Variants in ZNF837 observed in about 807,000 individuals in gnomAD.
The protein encoded by ZNF837 is zinc finger protein 837.
For synonymous variants in ZNF837, 475 were observed against 365.2 expected (o/e 1.30, Z -3.43); for missense variants, 955 against 801.7 (o/e 1.19, Z -2.31).
intron 1 of ZNF837, among the ~76,000 whole-genome samples, chr19:58,371,501 C>T (rs1006550626): frequency 1.2e-4 from 18 of 152,186 alleles, no homozygotes; most frequent in African/African-American, 4.1e-4. Context: ...CTCCTGTCCC[C>T]TCCCTAGATC....
rs775360094 is a variant in ZNF837, at chr19:58,368,610, C to T, written c.723G>A (p.Gln241=). Residue 241 remains glutamine, a synonymous_variant, in exon 3 of 3, where the codon CAG becomes CAA. Transcript: ENST00000597582. ...GKRFRPNQQQ[Q]AGKSPPVCPE... ...GACACACTGGGGGACTCTTGCCCGC[C>T]TGCTGCTGCTGGTTGGGGCGGAAGC... 9 of 1,482,956 alleles carry T rather than the reference C, an allele frequency of 6.1e-6. No individual in the cohort carries two copies. Among genetic ancestry groups the T allele is most frequent in the Non-Finnish European group, 7.3e-6 (8 of 1,101,068 alleles). The allele number at this position is 1,482,956 out of a possible 1,614,324, so 91.9% of individuals were successfully genotyped here.
chr19:58,375,290 ATATATATATATATATATAT>A (rs1568568358), intron 1 of ZNF837, among the ~76,000 whole-genome samples: 17 of 69,604 alleles, frequency 2.4e-4, no homozygotes, highest in African/African-American at 7.4e-4. Context: ...ATATATATAT[ATATATATATATATATATAT>A]ATAAAATTAC....
At chr19:58,376,672 C>T (rs529232156) in intron 1 of ZNF837, among the ~76,000 whole-genome samples, 8 of 150,684 alleles carry the variant, frequency 5.3e-5, no homozygotes, top group African/African-American at 2.0e-4. Context: ...ATTTCTCACA[C>T]ACAGCCAAGT....
At chr19:58,373,668 T>C (rs547071381) in intron 1 of ZNF837, among the ~76,000 whole-genome samples, 14 of 152,150 alleles carry the variant, frequency 9.2e-5, no homozygotes, top group Non-Finnish European at 1.9e-4. Context: ...GGGAATGATA[T>C]GGGCACATGG....
rs147175837 is a variant in ZNF837 at position 58,368,256 on chromosome 19, C to T, written c.1077G>A (p.Gly359=). Residue 359 remains glycine (G), a synonymous_variant, in exon 3 of 3, where the codon GGG becomes GGA. Transcript: ENST00000597582. ...ERSPRRGSGA[G]EKPYECADCA... ...AGTCGGCGCACTCGTACGGCTTCTC[C>T]CCGGCTCCCGACCCCCGTCGGGGAC... The T allele has an allele frequency of 4.7e-6, 7 of 1,488,748 alleles. No homozygotes were observed. The East Asian group carries it at 7.6e-5, about 16-fold the overall frequency. 92.2% of individuals were successfully genotyped at this position (1,488,748 alleles called of 1,614,324 possible). A position where few individuals can be genotyped will look rare whatever the true frequency, so the allele number is the denominator to read the frequency against.
chr19:58,371,869 C>T (rs1338247282), intron 1 of ZNF837, among the ~76,000 whole-genome samples: 1 of 138,906 alleles, frequency 7.2e-6, no homozygotes, highest in Non-Finnish European at 1.6e-5. Flanking sequence ...TTACAGGTGC[C>T]TGCCACCATG....
chr19:58,374,095 G>A (rs889756078), intron 1 of ZNF837, among the ~76,000 whole-genome samples: 1 of 152,182 alleles, frequency 6.6e-6, no homozygotes, highest in African/African-American at 2.4e-5. Flanking sequence ...CCTGGCTGGT[G>A]GGGATATAGA....
In ZNF837 at chr19:58,368,730, C is replaced by T; in HGVS notation, c.603G>A (p.Ala201=). Residue 201 remains alanine (A), a synonymous_variant, in exon 3 of 3, where the codon GCG becomes GCA. Coordinates refer to ENST00000597582, the MANE Select transcript of ZNF837 (RefSeq NM_138466.2). ...NPLVEQPRAC[A]CGEAFAWRAL... is the part of the protein sequence containing the mutation. ...CCCTCCACGCAAAGGCCTCGCCGCA[C>T]GCGCAAGCCCGGGGCTGCTCCACCA... 1 of 1,537,016 alleles carries T rather than the reference C, an allele frequency of 6.5e-7. No homozygotes were observed. Among genetic ancestry groups the T allele is most frequent in the South Asian group, 1.2e-5 (1 of 83,956 alleles).
chr19:58,369,168 G>A lies in ZNF837; in HGVS notation c.165C>T (p.Gly55=), dbSNP rs1469473836. 7 of 1,451,134 alleles carry A rather than the reference G, an allele frequency of 4.8e-6. No individual in the cohort carries two copies. Among genetic ancestry groups the A allele is most frequent in the Non-Finnish European group, 5.4e-6 (6 of 1,102,802 alleles). The allele number at this position is 1,451,134 out of a possible 1,614,324, so 89.9% of individuals were successfully genotyped here. A position where few individuals can be genotyped will look rare whatever the true frequency, so the allele number is the denominator to read the frequency against. Residue 55 remains glycine, a synonymous_variant, in exon 3 of 3, where the codon GGC becomes GGT. Transcript: ENST00000597582. ...CCCCGCCTGGGGGAGTCGTCCTACCGCCCGCCGCTCCACGCAGGTCCCCCT... is the reference window on the plus strand; with the variant it reads ...CCCCGCCTGGGGGAGTCGTCCTACCACCCGCCGCTCCACGCAGGTCCCCCT... The part of the protein sequence containing the change: ...TQKGDLRGAA[G]GRTTPPGGGS...
At position 58,379,267 on chromosome 19, in the gene ZNF837, G is replaced by A. The variant is rs141533981; in HGVS notation, c.-140+1674C>T. 4.2e-3 allele frequency among the ~76,000 whole-genome samples: 636 copies of A among 152,284 alleles called. 4 individuals carry two copies. Among genetic ancestry groups the A allele is most frequent in the Non-Finnish European group, 6.8e-3 (462 of 68,000 alleles). ...GGTGGGGGCTGAGGGGCACCTGCTA[G>A]CCATGTGCTAACAGCATCTTCGGAT... On this transcript the variant is annotated intron_variant, in intron 1 of 2. Coordinates refer to ENST00000597582, the MANE Select transcript of ZNF837 (RefSeq NM_138466.2).
chr19:58,378,850 G>A (rs1488218061), intron 1 of ZNF837, among the ~76,000 whole-genome samples: 1 of 152,126 alleles, frequency 6.6e-6, no homozygotes, highest in Non-Finnish European at 1.5e-5. Flanking sequence ...GAAGATGGAG[G>A]CTGATATTGG....
chr19:58,374,805 A>G (rs746956469), intron 1 of ZNF837, among the ~76,000 whole-genome samples: 13 of 151,724 alleles, frequency 8.6e-5, no homozygotes, highest in South Asian at 8.4e-4. Context: ...GTGGTGGCAC[A>G]TTCCTGTAGT....
chr19:58,370,807 A>C (rs2052193211), intron 1 of ZNF837, among the ~76,000 whole-genome samples: 1 of 152,012 alleles, frequency 6.6e-6, no homozygotes, highest in Admixed American at 6.6e-5. Flanking sequence ...AAGCAAGAGA[A>C]TCACTTGAAC....
At chr19:58,377,483 A>G (rs2052258811) in intron 1 of ZNF837, among the ~76,000 whole-genome samples, 1 of 151,616 alleles carries the variant, frequency 6.6e-6, no homozygotes, top group Non-Finnish European at 1.5e-5. Flanking sequence ...CCATCTCAAA[A>G]AAAAAACTAT....
chr19:58,369,081 GGTCCCGGCGCT>G lies in ZNF837; in HGVS notation c.241_251del (p.Ser81GlnfsTer17). ...CGCACGGCTCCCGCACGAGGGGTCT[GGTCCCGGCGCT>G]GTGCCGGGTCCCCGGGCCGGGGCTC... On this transcript the variant is annotated frameshift_variant, in exon 3 of 3. Transcript: ENST00000597582. LOFTEE classifies it low-confidence loss of function (END_TRUNC). The G allele has an allele frequency of 6.6e-7, 1 of 1,518,512 alleles. No homozygotes were observed. The highest frequency in any genetic ancestry group is 1.4e-5 in the African/African-American group (1 of 71,602). 94.1% of individuals were successfully genotyped at this position (1,518,512 alleles called of 1,614,324 possible). A position where few individuals can be genotyped will look rare whatever the true frequency, so the allele number is the denominator to read the frequency against.
chr19:58,375,313 A>ATATATATATATATAT (rs1568568408), intron 1 of ZNF837, among the ~76,000 whole-genome samples: 5 of 34,590 alleles, frequency 1.4e-4, no homozygotes, highest in Non-Finnish European at 2.0e-4. Context: ...TATATATATA[A>ATATATATATATATAT]AATTACATAT....
In ZNF837 at chr19:58,367,648, T is replaced by G. The variant is rs2052145229; in HGVS notation, c.*89A>C. ...TGTACAAAGTGAAGTTTAATCAAAG[T>G]TACAAACGTTGGTGGGTTTTCCGGG... On this transcript the variant is annotated 3_prime_UTR_variant, in exon 3 of 3. Transcript: ENST00000597582. 1 of 1,413,752 alleles carries G rather than the reference T, an allele frequency of 7.1e-7. No individual in the cohort carries two copies. The highest frequency in any genetic ancestry group is 2.6e-5 in the East Asian group (1 of 38,354). The allele number at this position is 1,413,752 out of a possible 1,614,324, so 87.6% of individuals were successfully genotyped here.
intron 1 of ZNF837, among the ~76,000 whole-genome samples, chr19:58,379,888 G>C (rs1185351261): frequency 6.6e-6 from 1 of 152,134 alleles, no homozygotes; most frequent in Non-Finnish European, 1.5e-5. Context: ...CCAGCTACTC[G>C]GGAGGCTGAG....
chr19:58,370,898 A>G (rs1302984600), intron 1 of ZNF837, among the ~76,000 whole-genome samples: 1 of 148,614 alleles, frequency 6.7e-6, no homozygotes, highest in Non-Finnish European at 1.5e-5. Flanking sequence ...TCTTTCAAAA[A>G]AAGAAAAGGA....
Sources: allele counts gnomAD v4.1 joint callset (sites outside exome capture counted in the v4.1 genomes callset), GRCh38; gene constraint gnomAD v4.1.1; transcripts MANE v1.5; gene names NCBI Gene and HGNC (gene_info 2026-07-23, HGNC 2026-07-21).